Variants in NPNT observed in about 807,000 individuals in gnomAD.
NPNT encodes nephronectin.
Under a neutral mutation model 68.6 loss-of-function variants are expected in NPNT, and 45 were observed. The ratio of observed to expected loss-of-function variants is 0.66; its 90% CI spans 0.52 to 0.84. NPNT has a LOEUF of 0.84. Among genes scored for constraint, NPNT ranks in the 40% least tolerant of loss-of-function variants. The pLI is 0.00. For missense variants in NPNT, 672 were observed against 714.8 expected, an observed-to-expected ratio of 0.94 and a Z score of 0.68; for synonymous variants, 233 against 253.3, an observed-to-expected ratio of 0.92 and a Z score of 0.76.
chr4:105,968,856 G>T, intron 11 of NPNT, 39 bp from the exon 12 acceptor site: 1 of 1,192,904 alleles, frequency 8.4e-7, no homozygotes, highest in Non-Finnish European at 1.2e-6. Flanking sequence ...TTAGAAAGGG[G>T]CAGAGGAGGC....
chr4:105,912,163 C>CT, intron 2 of NPNT: 6 of 1,517,318 alleles, frequency 4.0e-6, no homozygotes, highest in Non-Finnish European at 5.3e-6. Flanking sequence ...TCTGGAATTT[C>CT]TTTTTTTGGA....
chr4:105,918,502 T>G (rs570731606), intron 2 of NPNT, among the ~76,000 whole-genome samples: 1 of 152,320 alleles, frequency 6.6e-6, no homozygotes, highest in African/African-American at 2.4e-5. Context: ...GAAAGATATC[T>G]TTTATGTTTC....
chr4:105,912,902 C>G (rs1029532945), intron 2 of NPNT, among the ~76,000 whole-genome samples: 5 of 152,214 alleles, frequency 3.3e-5, no homozygotes, highest in African/African-American at 1.2e-4. Flanking sequence ...GAGCCTTGCT[C>G]TGTTGCCCAA....
chr4:105,897,783 AAG>A (rs1725985537), intron 1 of NPNT, 116 bp from the exon 2 acceptor site: 1 of 756,724 alleles, frequency 1.3e-6, no homozygotes, highest in Admixed American at 2.3e-5. Flanking sequence ...GCAGGCATAA[AAG>A]AGTTTGTAGA....
intron 1 of NPNT, chr4:105,895,928 T>G: frequency 1.8e-6 from 1 of 560,830 alleles, no homozygotes; most frequent in Non-Finnish European, 3.1e-6. Context: ...CCCTTGCGAG[T>G]CTGGGACCCC....
At chr4:105,919,152 T>G in intron 2 of NPNT, among the ~76,000 whole-genome samples, 1 of 152,174 alleles carries the variant, frequency 6.6e-6, no homozygotes, top group East Asian at 1.9e-4. Flanking sequence ...CTTCCATGTT[T>G]TGTATTAAAA....
In NPNT at chr4:105,938,371, G is replaced by T; in HGVS notation, c.456G>T (p.Gln152His). Residue 152 changes from glutamine to histidine, a missense_variant, in exon 5 of 12, where the codon CAG (glutamine) becomes CAT (histidine). Gln to His is a conservative substitution (Grantham distance 24). Coordinates refer to ENST00000379987, the MANE Select transcript of NPNT (RefSeq NM_001033047.3). ...TTGTTAAAGGACAAATACGGTGCCA[G>T]TGCCCATCCCCTGGCCTGCAGCTGG... The part of the protein sequence containing the change: ...CDVVKGQIRC[Q>H]CPSPGLQLAP... The T allele has an allele frequency of 1.2e-6, 2 of 1,613,728 alleles. No homozygotes were observed. Among genetic ancestry groups the T allele is most frequent in the Non-Finnish European group, 1.7e-6 (2 of 1,179,756 alleles).
At chr4:105,898,245 T>TC (rs919153004) in intron 2 of NPNT, 5 of 358,988 alleles carry the variant, frequency 1.4e-5, no homozygotes. Context: ...TTAGCATTTT[T>TC]CCCCCCAAAT....
At position 105,969,086 on chromosome 4, in the gene NPNT, AAGAGTGGGTC is replaced by A. The variant is rs1578703227; in HGVS notation, c.*99_*108del. 1.7e-5 allele frequency: 14 copies of A among 816,378 alleles called. No individual in the cohort carries two copies. The East Asian group carries it at 3.7e-4, about 22-fold the overall frequency. The allele number at this position is 816,378 out of a possible 1,614,324, so 50.6% of individuals were successfully genotyped here. A position where few individuals can be genotyped will look rare whatever the true frequency, so the allele number is the denominator to read the frequency against. ...TTCTCCCTTTTATCAGGCCTAGGAG[AAGAGTGGGTC>A]AGTGGGTCAGAAGGAAGTCTATTTG... is the stretch of plus-strand genomic sequence containing the variant. On this transcript the variant is annotated 3_prime_UTR_variant, in exon 12 of 12. Transcript: ENST00000379987.
chr4:105,953,340 T>A (rs1730975340), intron 8 of NPNT, among the ~76,000 whole-genome samples: 2 of 152,154 alleles, frequency 1.3e-5, no homozygotes, highest in Admixed American at 1.3e-4. Context: ...TTTTGCCAAT[T>A]TTGCTCTTTA....
Position 105,969,936 on chromosome 4 carries a change from C to A in NPNT, c.*946C>A. On this transcript the variant is annotated 3_prime_UTR_variant, in exon 12 of 12. Coordinates refer to ENST00000379987, the MANE Select transcript of NPNT (RefSeq NM_001033047.3). ...ACTGTTTCAAGTTACACTTTAAAAC[C>A]ACAGCTTTTACCATCATAACATGGC... The A allele has an allele frequency of 6.4e-6, 1 of 155,314 alleles. No homozygotes were observed. Among genetic ancestry groups the A allele is most frequent in the Admixed American group, 6.4e-5 (1 of 15,662 alleles). The allele number at this position is 155,314 out of a possible 1,614,324, so 9.6% of individuals were successfully genotyped here. A position where few individuals can be genotyped will look rare whatever the true frequency, so the allele number is the denominator to read the frequency against.
intron 8 of NPNT, among the ~76,000 whole-genome samples, chr4:105,950,464 A>C (rs557099928): frequency 6.6e-6 from 1 of 151,838 alleles, no homozygotes; most frequent in African/African-American, 2.4e-5. Context: ...TTATTTATTT[A>C]TTTTTTGAGA....
rs539915807 is a variant in NPNT at position 105,925,762 on chromosome 4, G to A, written c.173-1574G>A. ...CCAACACAAATCATACCTTCTTCAC[G>A]TCAGACCTAAACTATTTCGCTGGCC... On this transcript the variant is annotated intron_variant, in intron 2 of 11. Transcript: ENST00000379987. 1.5e-3 allele frequency among the ~76,000 whole-genome samples: 224 copies of A among 152,164 alleles called. 1 individual carries two copies. Among genetic ancestry groups the A allele is most frequent in the African/African-American group, 4.5e-3 (188 of 41,516 alleles).
chr4:105,923,739 C>A (rs759697646), intron 2 of NPNT, among the ~76,000 whole-genome samples: 94 of 152,136 alleles, frequency 6.2e-4, no homozygotes, highest in Non-Finnish European at 1.0e-3. Flanking sequence ...CAAAGCCCCA[C>A]CCCATCACTT....
intron 8 of NPNT, among the ~76,000 whole-genome samples, chr4:105,944,986 C>A (rs1730264256): frequency 6.6e-6 from 1 of 152,182 alleles, no homozygotes. Context: ...TCACTTCTGG[C>A]ATAACTTCTT....
intron 2 of NPNT, among the ~76,000 whole-genome samples, chr4:105,926,465 C>A (rs1728690071): frequency 1.3e-5 from 2 of 151,834 alleles, no homozygotes; most frequent in East Asian, 3.8e-4. Flanking sequence ...TAGCAGCATC[C>A]TTGGCGCCTA....
rs774372600 is a variant in NPNT, at chr4:105,970,361, A to T, written c.*1371A>T. On this transcript the variant is annotated 3_prime_UTR_variant, in exon 12 of 12. Transcript: ENST00000379987. ...TCTTAATTTCTGATTAAGTAATCAG[A>T]ATATTTTCTGCTATTTTTGCCAGGA... The T allele has an allele frequency of 1.6e-5, 11 of 695,630 alleles. No individual in the cohort carries two copies. Among genetic ancestry groups the T allele is most frequent in the South Asian group, 1.4e-4 (9 of 66,180 alleles). The allele number at this position is 695,630 out of a possible 1,614,324, so 43.1% of individuals were successfully genotyped here. A position where few individuals can be genotyped will look rare whatever the true frequency, so the allele number is the denominator to read the frequency against.
intron 8 of NPNT, among the ~76,000 whole-genome samples, chr4:105,949,924 G>T (rs1279650688): frequency 2.0e-5 from 3 of 151,986 alleles, no homozygotes; most frequent in African/African-American, 7.3e-5. Context: ...GATATTTTGG[G>T]CGATTTTCAT....
At chr4:105,940,709 A>G in intron 7 of NPNT, 73 bp downstream of exon 7, 1 of 1,276,062 alleles carries the variant, frequency 7.8e-7, no homozygotes, top group Non-Finnish European at 1.1e-6. Flanking sequence ...ATTGCTAGGG[A>G]AAATAAGGAA....
Sources: allele counts gnomAD v4.1 joint callset (sites outside exome capture counted in the v4.1 genomes callset), GRCh38; gene constraint gnomAD v4.1.1; transcripts MANE v1.5; gene names NCBI Gene and HGNC (gene_info 2026-07-23, HGNC 2026-07-21).